ZNF385D: variants seen among roughly 807,000 people sequenced by gnomAD.
ZNF385D encodes zinc finger protein 659.
Under a neutral mutation model 35.8 loss-of-function variants are expected in ZNF385D, and 15 were observed. The ratio of observed to expected loss-of-function variants is 0.42; its 90% CI spans 0.28 to 0.64. The LOEUF is 0.64. Ranked by LOEUF, ZNF385D falls within the 30% of genes least tolerant of loss-of-function variation. The pLI is 0.23. For missense variants in ZNF385D, 474 were observed against 494.6 expected, an observed-to-expected ratio of 0.96 and a Z score of 0.39; for synonymous variants, 212 against 186.8, an observed-to-expected ratio of 1.13 and a Z score of -1.10.
intron 3 of ZNF385D, among the ~76,000 whole-genome samples, chr3:22,096,805 T>C (rs1253464114): frequency 6.6e-6 from 1 of 152,060 alleles, no homozygotes; most frequent in African/African-American, 2.4e-5. Context: ...GTTTTAAAAA[T>C]ATGGCCTCAC....
chr3:22,283,579 G>C (rs1179260619), intron 2 of ZNF385D, among the ~76,000 whole-genome samples: 1 of 152,104 alleles, frequency 6.6e-6, no homozygotes, highest in Non-Finnish European at 1.5e-5. Context: ...AATATATAAA[G>C]CTGAAACCAG....
chr3:21,696,006 A>C (rs2067457732), intron 1 of ZNF385D, among the ~76,000 whole-genome samples: 1 of 152,182 alleles, frequency 6.6e-6, no homozygotes, highest in Admixed American at 6.5e-5. Flanking sequence ...TAGTGGTATT[A>C]TAGCCCTGTT....
intron 2 of ZNF385D, among the ~76,000 whole-genome samples, chr3:21,659,796 T>G (rs1231606471): frequency 6.6e-6 from 1 of 152,102 alleles, no homozygotes; most frequent in Admixed American, 6.6e-5. Context: ...AACCCCACTG[T>G]CTGGGAGTGT....
At chr3:22,204,580 C>T (rs1240009445) in intron 2 of ZNF385D, among the ~76,000 whole-genome samples, 1 of 151,890 alleles carries the variant, frequency 6.6e-6, no homozygotes, top group African/African-American at 2.4e-5. Context: ...GAATTCGAAA[C>T]AGCTGTGTTA....
rs1575121183 is a variant in ZNF385D, at chr3:22,324,975, C to T, written c.106+47475G>A. 6.6e-5 allele frequency among the ~76,000 whole-genome samples: 10 copies of T among 152,268 alleles called. 1 individual carries two copies. In the South Asian group the frequency reaches 2.1e-3, roughly 32 times the overall value. ...CAAGACACTTAACCTCTCTGTGTAT[C>T]TGTTTCTTTGGTGAAATGAGGATAA... On this transcript the variant is annotated intron_variant, in intron 2 of 5. Transcript: ENST00000494108.
At chr3:21,961,472 A>G (rs1357939610) in intron 3 of ZNF385D, 1 of 152,200 alleles carries the variant, frequency 6.6e-6, no homozygotes, top group African/African-American at 2.4e-5. Flanking sequence ...AATATGAAGT[A>G]ACTATTGAAT....
At chr3:22,175,156 T>C (rs1269820399) in intron 2 of ZNF385D, among the ~76,000 whole-genome samples, 1 of 151,998 alleles carries the variant, frequency 6.6e-6, no homozygotes, top group Non-Finnish European at 1.5e-5. Flanking sequence ...TCTTATACAA[T>C]TTTCTTGACC....
intron 3 of ZNF385D, among the ~76,000 whole-genome samples, chr3:21,968,266 G>A (rs890714120): frequency 2.6e-5 from 4 of 152,130 alleles, no homozygotes; most frequent in Non-Finnish European, 5.9e-5. Context: ...CTGAATATGA[G>A]TTTTGGCAAG....
At position 22,211,564 on chromosome 3, in the gene ZNF385D, G is replaced by A. The variant is rs73034448; in HGVS notation, c.107-42529C>T. On this transcript the variant is annotated intron_variant, in intron 2 of 5. Transcript: ENST00000494108. ...TAGGTGAACCAGGAGATGATACCAA[G>A]AAAGGGCAACTGTATGTGTTCTTCC... Among the ~76,000 whole-genome samples the A allele has an allele frequency of 7.1e-3, 1,079 of 152,124 alleles. 6 individuals carry two copies. The highest frequency in any genetic ancestry group is 0.011 in the Non-Finnish European group (757 of 67,956).
At chr3:22,292,959 A>C (rs1169058540) in intron 2 of ZNF385D, among the ~76,000 whole-genome samples, 1 of 152,124 alleles carries the variant, frequency 6.6e-6, no homozygotes, top group East Asian at 1.9e-4. Flanking sequence ...ACATGATGCC[A>C]GTAAGTTTAA....
intron 3 of ZNF385D, among the ~76,000 whole-genome samples, chr3:21,976,772 C>T (rs1423626812): frequency 1.3e-5 from 2 of 152,198 alleles, no homozygotes; most frequent in Non-Finnish European, 2.9e-5. Flanking sequence ...GCATGCAGAT[C>T]ATGAGGTCAG....
At chr3:22,346,636 C>G (rs532661005) in intron 2 of ZNF385D, among the ~76,000 whole-genome samples, 84 of 152,266 alleles carry the variant, frequency 5.5e-4, no homozygotes, top group African/African-American at 1.9e-3. Flanking sequence ...GGACACCTGA[C>G]TCTTAACTAC....
intron 3 of ZNF385D, among the ~76,000 whole-genome samples, chr3:22,019,804 T>G (rs1697117083): frequency 1.3e-5 from 2 of 151,814 alleles, no homozygotes; most frequent in Admixed American, 1.3e-4. Context: ...GGGGCCCTTA[T>G]TTGAAAATTA....
chr3:21,591,645 C>A (rs1414976502), intron 2 of ZNF385D, among the ~76,000 whole-genome samples: 1 of 152,128 alleles, frequency 6.6e-6, no homozygotes, highest in Non-Finnish European at 1.5e-5. Flanking sequence ...TATGTATTAA[C>A]CTGCACAGGG....
At chr3:21,729,448 C>T (rs1000586881) in intron 1 of ZNF385D, among the ~76,000 whole-genome samples, 1 of 152,016 alleles carries the variant, frequency 6.6e-6, no homozygotes, top group Non-Finnish European at 1.5e-5. Context: ...ATAAAACTGT[C>T]ATTTCTACAA....
intron 3 of ZNF385D, among the ~76,000 whole-genome samples, chr3:22,057,166 T>G (rs1394605180): frequency 6.6e-6 from 1 of 152,240 alleles, no homozygotes; most frequent in Non-Finnish European, 1.5e-5. Context: ...ACACCTGATT[T>G]AAAGTCTAGC....
intron 2 of ZNF385D, among the ~76,000 whole-genome samples, chr3:22,314,155 G>A (rs1404491678): frequency 6.6e-6 from 1 of 152,018 alleles, no homozygotes; most frequent in Admixed American, 6.6e-5. Flanking sequence ...TTGGAGAACA[G>A]GTGGCAGTTG....
intron 2 of ZNF385D, among the ~76,000 whole-genome samples, chr3:22,261,670 G>T: frequency 6.6e-6 from 1 of 151,886 alleles, no homozygotes; most frequent in East Asian, 1.9e-4. Context: ...CATTAGCAGA[G>T]ACCTGAAGGT....
intron 3 of ZNF385D, among the ~76,000 whole-genome samples, chr3:21,901,233 T>C (rs1270430360): frequency 1.3e-5 from 2 of 152,202 alleles, no homozygotes; most frequent in Non-Finnish European, 1.5e-5. Context: ...TGCCTCGGCA[T>C]CCCAAAGTGC....
Sources: allele counts gnomAD v4.1 joint callset (sites outside exome capture counted in the v4.1 genomes callset), GRCh38; gene constraint gnomAD v4.1.1; transcripts MANE v1.5; gene names NCBI Gene and HGNC (gene_info 2026-07-23, HGNC 2026-07-21).